Variants in SDK1 observed in about 807,000 individuals in gnomAD.
SDK1 encodes the protein protein sidekick-1.
SDK1 carries 157 observed loss-of-function variants against 245.5 expected under a neutral mutation model. That is an observed-to-expected ratio of 0.64 (90% CI 0.56 to 0.73). The LOEUF (loss-of-function observed/expected upper bound fraction) is 0.73. Ranked by LOEUF, SDK1 falls within the 30% of genes least tolerant of loss-of-function variation. SDK1 has a pLI of 0.00. For missense variants in SDK1, 3,583 were observed against 3,002.3 expected, an observed-to-expected ratio of 1.19 and a Z score of -4.52; for synonymous variants, 1,647 against 1,278.5, an observed-to-expected ratio of 1.29 and a Z score of -6.15.
chr7:4,191,805 C>T (rs1047172142), intron 35 of SDK1, among the ~76,000 whole-genome samples: 3 of 152,232 alleles, frequency 2.0e-5, no homozygotes, highest in African/African-American at 7.2e-5. Context: ...GCTATCCCCA[C>T]AGAGGAGGGA....
rs183472554 is a variant in SDK1, at chr7:3,692,900, A to G, written c.713+50795A>G. Among the ~76,000 whole-genome samples the G allele has an allele frequency of 1.2e-3, 183 of 152,164 alleles. 1 individual carries two copies. The highest frequency in any genetic ancestry group is 5.6e-3 in the Admixed American group (85 of 15,260). ...TACATTTCTATTTTAATTATATATT[A>G]ATATGATAGATAAAGGTAGCATCTT... On this transcript the variant is annotated intron_variant, in intron 4 of 44. Transcript: ENST00000404826.
intron 44 of SDK1, among the ~76,000 whole-genome samples, chr7:4,248,297 T>C (rs1301201890): frequency 6.6e-6 from 1 of 150,466 alleles, no homozygotes; most frequent in Non-Finnish European, 1.5e-5. Context: ...CGCACACATA[T>C]CTATACATAC....
chr7:4,077,524 G>GTCCATTT (rs1474142302), intron 21 of SDK1, among the ~76,000 whole-genome samples: 2 of 152,158 alleles, frequency 1.3e-5, no homozygotes, highest in Non-Finnish European at 2.9e-5. Flanking sequence ...GATTGTATTA[G>GTCCATTT]TCCATTTTCA....
intron 40 of SDK1, among the ~76,000 whole-genome samples, chr7:4,222,645 C>G (rs1785208613): frequency 6.6e-6 from 1 of 152,172 alleles, no homozygotes; most frequent in Non-Finnish European, 1.5e-5. Context: ...GTGAAAAAGC[C>G]AAAGGCAACA....
intron 5 of SDK1, among the ~76,000 whole-genome samples, chr7:3,875,541 G>T (rs2115140278): frequency 6.6e-6 from 1 of 152,354 alleles, no homozygotes; most frequent in Admixed American, 6.5e-5. Flanking sequence ...CTCTGCAGTG[G>T]GAAAGGGGCT....
At chr7:3,482,765 A>T (rs1185062601) in intron 1 of SDK1, among the ~76,000 whole-genome samples, 2 of 152,220 alleles carry the variant, frequency 1.3e-5, no homozygotes, top group African/African-American at 4.8e-5. Context: ...TCCACCCAAT[A>T]TTCAAGGCAT....
At chr7:3,946,914 A>G (rs111461699) in intron 5 of SDK1, among the ~76,000 whole-genome samples, 4 of 152,228 alleles carry the variant, frequency 2.6e-5, no homozygotes, top group Non-Finnish European at 5.9e-5. Flanking sequence ...CACTCACACC[A>G]GAGGCGTGCT....
intron 1 of SDK1, among the ~76,000 whole-genome samples, chr7:3,433,223 T>C (rs1234270660): frequency 2.0e-5 from 3 of 152,186 alleles, no homozygotes; most frequent in Admixed American, 6.5e-5. Context: ...TATCTAGTTA[T>C]CTGCCTCAAC....
intron 17 of SDK1, among the ~76,000 whole-genome samples, chr7:4,028,381 C>T (rs1787526031): frequency 6.6e-6 from 1 of 152,202 alleles, no homozygotes; most frequent in African/African-American, 2.4e-5. Flanking sequence ...CAATAAGCAA[C>T]AGTCCCCGTG....
chr7:3,821,076 G>C (rs1044194350), intron 4 of SDK1, among the ~76,000 whole-genome samples: 1 of 152,214 alleles, frequency 6.6e-6, no homozygotes, highest in African/African-American at 2.4e-5. Flanking sequence ...CAGGGTTGTG[G>C]TGGTCCAGCC....
chr7:4,093,677 G>A (rs775990017), intron 22 of SDK1, among the ~76,000 whole-genome samples: 183 of 152,298 alleles, frequency 1.2e-3, no homozygotes, highest in Non-Finnish European at 2.3e-3. Context: ...TGCCGGCGGC[G>A]TCGACAGCGA....
At chr7:3,435,742 G>A (rs1780003373) in intron 1 of SDK1, among the ~76,000 whole-genome samples, 1 of 152,048 alleles carries the variant, frequency 6.6e-6, no homozygotes, top group African/African-American at 2.4e-5. Flanking sequence ...AACTCCCACT[G>A]CCTGTCTTCT....
chr7:3,487,982 T>G (rs1781754235), intron 1 of SDK1, among the ~76,000 whole-genome samples: 1 of 152,134 alleles, frequency 6.6e-6, no homozygotes, highest in African/African-American at 2.4e-5. Context: ...TTGCTACACA[T>G]TTTGCTTACT....
chr7:4,139,075 G>A (rs1779287864), intron 28 of SDK1, among the ~76,000 whole-genome samples: 1 of 152,226 alleles, frequency 6.6e-6, no homozygotes, highest in South Asian at 2.1e-4. Flanking sequence ...TTGGGGACGA[G>A]GCTAACAGGT....
chr7:4,054,756 A>G (rs1490987622), intron 19 of SDK1, among the ~76,000 whole-genome samples: 4 of 151,796 alleles, frequency 2.6e-5, no homozygotes, highest in Non-Finnish European at 5.9e-5. Flanking sequence ...TTTTTTTTTA[A>G]TCAAGTTGAA....
intron 5 of SDK1, among the ~76,000 whole-genome samples, chr7:3,920,209 G>T (rs568859738): frequency 4.6e-5 from 7 of 152,276 alleles, no homozygotes; most frequent in Admixed American, 2.6e-4. Flanking sequence ...GAGTCTTCTG[G>T]GCTTCATGCT....
intron 1 of SDK1, among the ~76,000 whole-genome samples, chr7:3,368,250 G>A (rs777294290): frequency 6.6e-6 from 1 of 152,204 alleles, no homozygotes; most frequent in Non-Finnish European, 1.5e-5. Context: ...ACAAACAGAA[G>A]AAAGTGTTCT....
rs778596642 is a variant in SDK1, at chr7:4,026,098, G to A, written c.2602+8746G>A. Among the ~76,000 whole-genome samples, 15 of 152,238 alleles carry A rather than the reference G, an allele frequency of 9.9e-5. No homozygotes were observed. The highest frequency in any genetic ancestry group is 1.4e-4 in the African/African-American group (6 of 41,466). On this transcript the variant is annotated intron_variant, in intron 17 of 44. Transcript: ENST00000404826. The surrounding 1 kb of genome is among the most constrained non-coding windows in gnomAD (Gnocchi z 4.1). ...CTCAGCACCCTGGACACGCCAGGCC[G>A]CAGCGCTGGTCTTCCACAGTCCCCA...
chr7:3,967,298 T>C lies in SDK1; in HGVS notation c.1430-20T>C, dbSNP rs766117560. ...TCTCAGGAACAAGGCCCTGATCATT[T>C]CATTTACTCCTCTTCTCAGATATCG... On this transcript the variant is annotated intron_variant, in intron 9 of 44. Transcript: ENST00000404826. 3 of 1,589,680 alleles carry C rather than the reference T, an allele frequency of 1.9e-6. No individual in the cohort carries two copies. In the African/African-American group the frequency reaches 4.0e-5, roughly 21 times the overall value.
Sources: allele counts gnomAD v4.1 joint callset (sites outside exome capture counted in the v4.1 genomes callset), GRCh38; gene constraint gnomAD v4.1.1; non-coding constraint Gnocchi (gnomAD v3.1); transcripts MANE v1.5; gene names NCBI Gene and HGNC (gene_info 2026-07-23, HGNC 2026-07-21).